Variants in PCDH7 observed in about 807,000 individuals in gnomAD.
The protein encoded by PCDH7 is protocadherin-7.
A neutral mutation model predicts 58.9 loss-of-function variants in PCDH7; 17 were observed. The observed-to-expected ratio is 0.29, with a 90% confidence interval of 0.20 to 0.43. PCDH7 has a LOEUF of 0.43. Among genes scored for constraint, PCDH7 ranks in the 20% least tolerant of loss-of-function variants. The pLI is 1.00. For missense variants in PCDH7, 1,274 were observed against 1,441.0 expected (o/e 0.88, Z 1.88); for synonymous variants, 664 against 616.4 (o/e 1.08, Z -1.14).
intron 3 of PCDH7, among the ~76,000 whole-genome samples, chr4:30,975,143 TTGTGTGTGTGTGTGTGTGTGTGTG>T (rs35675648): frequency 7.2e-6 from 1 of 138,764 alleles, no homozygotes; most frequent in Admixed American, 7.4e-5. Flanking sequence ...TTCCCTTTCA[TTGTGTGTGTGTGTGTGTGTGTGTG>T]TGTGTGTGTG....
chr4:30,894,819 G>T (rs973424276), intron 1 of PCDH7, among the ~76,000 whole-genome samples: 7 of 149,960 alleles, frequency 4.7e-5, no homozygotes, highest in Non-Finnish European at 8.9e-5. Flanking sequence ...CTTGATTGCT[G>T]GAAGTTTAGT....
intron 3 of PCDH7, among the ~76,000 whole-genome samples, chr4:30,970,451 C>T (rs61792872): frequency 0.053 from 7,765 of 147,762 alleles, 430 homozygotes; most frequent in East Asian, 0.29. Flanking sequence ...CCCACCACCA[C>T]GCCTGGCTAA....
intron 1 of PCDH7, among the ~76,000 whole-genome samples, chr4:30,774,066 T>C (rs1022834206): frequency 6.6e-6 from 1 of 152,200 alleles, no homozygotes; most frequent in South Asian, 2.1e-4. Flanking sequence ...CTTTGCTCAG[T>C]TGAGTGATTT....
intron 2 of PCDH7, among the ~76,000 whole-genome samples, chr4:30,927,809 C>T (rs1560508403): frequency 6.6e-6 from 1 of 151,582 alleles, no homozygotes; most frequent in Non-Finnish European, 1.5e-5. Context: ...TGTCCTATGA[C>T]CCTGCCAAAT....
intron 1 of PCDH7, among the ~76,000 whole-genome samples, chr4:30,851,438 G>T (rs757421057): frequency 2.6e-5 from 4 of 151,798 alleles, no homozygotes; most frequent in African/African-American, 7.3e-5. Flanking sequence ...TTCTCTGGTC[G>T]AGTATATTCA....
intron 2 of PCDH7, among the ~76,000 whole-genome samples, chr4:30,946,543 T>C (rs1324103412): frequency 6.6e-6 from 1 of 152,046 alleles, no homozygotes; most frequent in Non-Finnish European, 1.5e-5. Flanking sequence ...TTTTCTTTTC[T>C]GCAGCAACTC....
chr4:31,021,533 CTGTT>C lies in PCDH7; in HGVS notation c.*7+71321_*7+71324del, dbSNP rs1490127878. 2.6e-5 allele frequency among the ~76,000 whole-genome samples: 4 copies of C among 152,256 alleles called. No individual in the cohort carries two copies. In the East Asian group the frequency reaches 7.7e-4, roughly 29 times the overall value. On this transcript the variant is annotated intron_variant, in intron 3 of 3. Transcript: ENST00000509759. ...AGTGCTTTAACCCAACATACATTGA[CTGTT>C]TGCTTATATAATTCAGTGTGGGTGT...
chr4:30,730,822 A>G (rs1025330037), exon 2 of PCDH7: 4 of 1,581,042 alleles, frequency 2.5e-6, no homozygotes, highest in East Asian at 4.6e-5. Context: ...ATTATGCACC[A>G]TACTGTGATG....
intron 1 of PCDH7, among the ~76,000 whole-genome samples, chr4:30,834,678 A>G (rs2109333329): frequency 6.6e-6 from 1 of 151,972 alleles, no homozygotes; most frequent in South Asian, 2.1e-4. Flanking sequence ...AAAAAAAAAA[A>G]CCTGAGTCTC....
intron 1 of PCDH7, among the ~76,000 whole-genome samples, chr4:30,893,904 A>G (rs1160542572): frequency 6.6e-6 from 1 of 152,244 alleles, no homozygotes; most frequent in African/African-American, 2.4e-5. Flanking sequence ...AGTGAATGTT[A>G]GATTATCCTC....
chr4:30,756,411 G>T (rs777267889), intron 1 of PCDH7, among the ~76,000 whole-genome samples: 12 of 151,934 alleles, frequency 7.9e-5, no homozygotes, highest in Non-Finnish European at 1.8e-4. Context: ...CCACCCGGAA[G>T]ATGAGGAAAC....
chr4:31,109,484 A>G lies in PCDH7; in HGVS notation c.*8-32989A>G, dbSNP rs1716016063. 1.3e-5 allele frequency among the ~76,000 whole-genome samples: 2 copies of G among 152,228 alleles called. 1 individual carries two copies. Among genetic ancestry groups the G allele is most frequent in the South Asian group, 4.1e-4 (2 of 4,824 alleles). ...GGATAAAGTCAAGTTTGTTGTTAGA[A>G]TGTTACATGATAGAGATTTATTTAT... On this transcript the variant is annotated intron_variant, in intron 3 of 3. Coordinates refer to the PCDH7 transcript ENST00000509759.
In PCDH7 at chr4:30,721,383, C is replaced by T; in HGVS notation, c.-40C>T. 1 of 1,439,716 alleles carries T rather than the reference C, an allele frequency of 6.9e-7. No homozygotes were observed. The highest frequency in any genetic ancestry group is 9.1e-7 in the Non-Finnish European group (1 of 1,097,802). The allele number at this position is 1,439,716 out of a possible 1,614,324, so 89.2% of individuals were successfully genotyped here. ...CCGGAGGAGGGGGGCGCCGAGGGGGCTGTGGTTAGAAGGAGCAGTAGCAGC... is the reference window on the plus strand; with the variant it reads ...CCGGAGGAGGGGGGCGCCGAGGGGGTTGTGGTTAGAAGGAGCAGTAGCAGC... On this transcript the variant is annotated 5_prime_UTR_variant, in exon 1 of 2. Transcript: ENST00000361762. The surrounding 1 kb of genome is among the most constrained non-coding windows in gnomAD (Gnocchi z 6.7).
At chr4:31,016,822 C>T (rs888862050) in intron 3 of PCDH7, among the ~76,000 whole-genome samples, 1 of 143,184 alleles carries the variant, frequency 7.0e-6, no homozygotes, top group Non-Finnish European at 1.5e-5. Flanking sequence ...TGTGTGTGCT[C>T]GGTGTGTGTG....
At chr4:31,075,704 C>T (rs1237604416) in intron 3 of PCDH7, among the ~76,000 whole-genome samples, 1 of 152,088 alleles carries the variant, frequency 6.6e-6, no homozygotes, top group Non-Finnish European at 1.5e-5. Context: ...TGATATGGGC[C>T]CTGTTGTATC....
chr4:31,005,171 C>G (rs1030540114), intron 3 of PCDH7, among the ~76,000 whole-genome samples: 3 of 152,098 alleles, frequency 2.0e-5, no homozygotes, highest in Admixed American at 6.6e-5. Context: ...ACAAACTGCT[C>G]GGCAGATGTT....
At chr4:31,112,024 T>A (rs1415870447) in intron 3 of PCDH7, among the ~76,000 whole-genome samples, 1 of 152,186 alleles carries the variant, frequency 6.6e-6, no homozygotes, top group African/African-American at 2.4e-5. Flanking sequence ...TGGCAAATAA[T>A]AAGCATTCTA....
chr4:31,055,356 G>C (rs566921360), intron 3 of PCDH7, among the ~76,000 whole-genome samples: 1 of 151,924 alleles, frequency 6.6e-6, no homozygotes, highest in African/African-American at 2.4e-5. Context: ...TTTGAAAAAC[G>C]AATTTCTACT....
chr4:31,063,053 G>C (rs1757811663), intron 3 of PCDH7, among the ~76,000 whole-genome samples: 1 of 151,820 alleles, frequency 6.6e-6, no homozygotes, highest in Non-Finnish European at 1.5e-5. Flanking sequence ...TATCTGAGAA[G>C]ACTTTGAGAG....
Sources: gnomAD v4.1 joint callset for allele counts (sites outside exome capture counted in the v4.1 genomes callset) on GRCh38, gnomAD v4.1.1 for gene constraint, Gnocchi (gnomAD v3.1) non-coding constraint, MANE v1.5 for transcripts, NCBI Gene and HGNC (gene_info 2026-07-23, HGNC 2026-07-21) for gene names.